Variants in CD59 observed in about 807,000 individuals in gnomAD.
The protein encoded by CD59 is CD59 glycoprotein.
Under a neutral mutation model 7.0 loss-of-function variants are expected in CD59, and 3 were observed. That is an observed-to-expected ratio of 0.43 (90% CI 0.19 to 1.10). The LOEUF is 1.10. Among genes scored for constraint, CD59 ranks in the 50% least tolerant of loss-of-function variants. The pLI, the probability that CD59 is intolerant of heterozygous loss-of-function variation, is 0.29. For synonymous variants in CD59, 60 were observed against 62.0 expected (o/e 0.97, Z 0.15); for missense variants, 143 against 151.0 (o/e 0.95, Z 0.28).
intron 1 of CD59, among the ~76,000 whole-genome samples, chr11:33,726,076 A>T (rs1015196008): frequency 1.3e-5 from 2 of 152,198 alleles, no homozygotes; most frequent in African/African-American, 2.4e-5. Flanking sequence ...CCACACAATA[A>T]TAGTGGGAGA....
intron 3 of CD59, chr11:33,711,606 C>G: frequency 1.8e-6 from 1 of 560,418 alleles, no homozygotes; most frequent in Non-Finnish European, 3.1e-6. Context: ...GGACTCAGGA[C>G]TTTAAGGCTG....
At chr11:33,718,866 G>C (rs17687664) in intron 2 of CD59, 15,934 of 152,286 alleles carry the variant, frequency 0.1, 1,210 homozygotes, top group Non-Finnish European at 0.16. Context: ...GTGATGGGGA[G>C]AGACTGAGGA....
In CD59 at chr11:33,707,781, C is replaced by T. The variant is rs1297727303; in HGVS notation, c.*2345G>A. 1 of 152,218 alleles carries T rather than the reference C, an allele frequency of 6.6e-6. No individual in the cohort carries two copies. The highest frequency in any genetic ancestry group is 1.5e-5 in the Non-Finnish European group (1 of 68,042). 9.4% of individuals were successfully genotyped at this position (152,218 alleles called of 1,614,324 possible). A position where few individuals can be genotyped will look rare whatever the true frequency, so the allele number is the denominator to read the frequency against. ...CCAGGTGGGCTTGCTAATCCTGCAC[C>T]TCTACCTTAAGCTTACCCAGCGTGA... On this transcript the variant is annotated 3_prime_UTR_variant, in exon 4 of 4. Transcript: ENST00000642928.
Position 33,725,658 on chromosome 11 carries a change from C to T in CD59, c.-18-3195G>A, listed in dbSNP as rs150995277. Among the ~76,000 whole-genome samples, 10 of 152,196 alleles carry T rather than the reference C, an allele frequency of 6.6e-5. 1 individual carries two copies. The highest frequency in any genetic ancestry group is 2.4e-4 in the African/African-American group (10 of 41,522). ...TTCCGTAATGGGAGCTCCAAGTAGG[C>T]CTTTCATCACAGGAATAAGAAATAG... is the stretch of plus-strand genomic sequence containing the variant. On this transcript the variant is annotated intron_variant, in intron 1 of 3. Coordinates refer to ENST00000642928, the MANE Select transcript of CD59 (RefSeq NM_000611.6).
chr11:33,723,960 T>A (rs61217095), intron 1 of CD59, among the ~76,000 whole-genome samples: 3,103 of 152,024 alleles, frequency 0.02, 118 homozygotes, highest in African/African-American at 0.072. Context: ...TAAAAAAAAA[T>A]TAGACTGGTG....
intron 1 of CD59, among the ~76,000 whole-genome samples, chr11:33,726,906 AT>A (rs1854275892): frequency 6.6e-6 from 1 of 152,272 alleles, no homozygotes; most frequent in African/African-American, 2.4e-5. Flanking sequence ...TTCTACGCAA[AT>A]AAACTAGAAA....
chr11:33,724,709 C>A (rs1854202118), intron 1 of CD59, among the ~76,000 whole-genome samples: 1 of 152,122 alleles, frequency 6.6e-6, no homozygotes, highest in Non-Finnish European at 1.5e-5. Context: ...GGGGAGACCT[C>A]AGGCATCAAA....
intron 1 of CD59, among the ~76,000 whole-genome samples, chr11:33,727,473 C>T (rs574727838): frequency 7.2e-5 from 11 of 152,284 alleles, no homozygotes; most frequent in Middle Eastern, 3.4e-3. Flanking sequence ...AATTCAACAG[C>T]GCTTCATGCT....
At chr11:33,732,522 T>G (rs1284451276) in intron 1 of CD59, among the ~76,000 whole-genome samples, 1 of 152,178 alleles carries the variant, frequency 6.6e-6, no homozygotes, top group African/African-American at 2.4e-5. Flanking sequence ...AAACCTCTTT[T>G]CTTTATAAAT....
chr11:33,729,201 G>C (rs1467656748), intron 1 of CD59, among the ~76,000 whole-genome samples: 1 of 152,190 alleles, frequency 6.6e-6, no homozygotes, highest in Non-Finnish European at 1.5e-5. Flanking sequence ...AAAGACACAT[G>C]CACACGTATG....
At position 33,706,788 on chromosome 11, in the gene CD59, C is replaced by G. The variant is rs1176874845; in HGVS notation, c.*3338G>C. ...TCACCTCATGCTATTGGGTAACTTT[C>G]CAGTAAAAAACAATTGCACTTTGTT... is the stretch of plus-strand genomic sequence containing the variant. On this transcript the variant is annotated 3_prime_UTR_variant, in exon 4 of 4. Transcript: ENST00000642928. 6.6e-6 allele frequency: 1 copy of G among 152,160 alleles called. No individual in the cohort carries two copies. 9.4% of individuals were successfully genotyped at this position (152,160 alleles called of 1,614,324 possible).
At chr11:33,728,939 A>G (rs972853513) in intron 1 of CD59, among the ~76,000 whole-genome samples, 2 of 152,276 alleles carry the variant, frequency 1.3e-5, no homozygotes, top group African/African-American at 4.8e-5. Flanking sequence ...TGGTCATTAG[A>G]GAAATGCAAA....
intron 2 of CD59, among the ~76,000 whole-genome samples, chr11:33,719,822 T>C (rs1360466862): frequency 6.6e-6 from 1 of 152,158 alleles, no homozygotes; most frequent in Admixed American, 6.5e-5. Context: ...TGTCAGCCTG[T>C]GGCTGTCATG....
intron 2 of CD59, among the ~76,000 whole-genome samples, chr11:33,720,550 TTAAAAAG>T (rs1478926334): frequency 6.6e-6 from 1 of 151,650 alleles, no homozygotes; most frequent in African/African-American, 2.4e-5. Context: ...AATACAAAAA[TTAAAAAG>T]TAAATAAAAA....
intron 1 of CD59, among the ~76,000 whole-genome samples, chr11:33,731,819 A>T (rs1031937177): frequency 1.1e-4 from 16 of 150,464 alleles, no homozygotes; most frequent in African/African-American, 3.9e-4. Context: ...TATGATTATG[A>T]CATTGAATGC....
chr11:33,725,286 A>AG (rs1030716537), intron 1 of CD59, among the ~76,000 whole-genome samples: 3 of 123,732 alleles, frequency 2.4e-5, no homozygotes, highest in African/African-American at 1.1e-4. Flanking sequence ...CATTTTAAGG[A>AG]AAAAAAAAAA....
Position 33,708,857 on chromosome 11 carries a change from T to C in CD59, c.*1269A>G, listed in dbSNP as rs1853424330. On this transcript the variant is annotated 3_prime_UTR_variant, in exon 4 of 4. Transcript: ENST00000642928. ...TTCATTTTCAGAAAAGCATCATTCA[T>C]TGCACTCGGTTTGTCCAACAGAGTA... 1 of 152,210 alleles carries C rather than the reference T, an allele frequency of 6.6e-6. No homozygotes were observed. Among genetic ancestry groups the C allele is most frequent in the African/African-American group, 2.4e-5 (1 of 41,454 alleles). 9.4% of individuals were successfully genotyped at this position (152,210 alleles called of 1,614,324 possible).
intron 1 of CD59, among the ~76,000 whole-genome samples, chr11:33,732,380 C>T (rs191575266): frequency 3.8e-4 from 57 of 151,522 alleles, no homozygotes; most frequent in African/African-American, 1.2e-3. Context: ...GTAGCACTTC[C>T]CCCTTTGCTG....
intron 1 of CD59, among the ~76,000 whole-genome samples, chr11:33,724,292 C>G (rs1342020973): frequency 1.3e-5 from 2 of 152,164 alleles, no homozygotes; most frequent in Non-Finnish European, 2.9e-5. Flanking sequence ...ACACACAGGG[C>G]CCCTGATGGG....
Sources: allele counts gnomAD v4.1 joint callset (sites outside exome capture counted in the v4.1 genomes callset), GRCh38; gene constraint gnomAD v4.1.1; transcripts MANE v1.5; gene names NCBI Gene and HGNC (gene_info 2026-07-23, HGNC 2026-07-21).